TTC34: variants seen among roughly 807,000 people sequenced by gnomAD.
The protein encoded by TTC34 is tetratricopeptide repeat protein 34.
Under a neutral mutation model 40.7 loss-of-function variants are expected in TTC34, and 44 were observed. That is an observed-to-expected ratio of 1.08 (90% CI 0.85 to 1.39). The LOEUF (loss-of-function observed/expected upper bound fraction) is 1.39. Ranked by LOEUF, TTC34 falls within the 40% of genes most tolerant of loss-of-function variation. TTC34 has a pLI of 0.00. For synonymous variants in TTC34, 422 were observed against 398.6 expected, an observed-to-expected ratio of 1.06 and a Z score of -0.70; for missense variants, 884 against 838.0, an observed-to-expected ratio of 1.05 and a Z score of -0.68.
intron 6 of TTC34, among the ~76,000 whole-genome samples, chr1:2,749,060 C>A (rs1172098987): frequency 1.1e-5 from 1 of 90,118 alleles, no homozygotes; most frequent in Non-Finnish European, 2.1e-5. Flanking sequence ...GAGAATCCGA[C>A]AGCCTGGAGC....
At chr1:2,753,491 C>T (rs1218885929) in intron 6 of TTC34, among the ~76,000 whole-genome samples, 60 of 106,282 alleles carry the variant, frequency 5.6e-4, no homozygotes, top group African/African-American at 3.0e-3. Context: ...GGATCAGCAC[C>T]CACACCCCCA....
chr1:2,752,506 C>G (rs1281115684), intron 6 of TTC34, among the ~76,000 whole-genome samples: 1 of 134,692 alleles, frequency 7.4e-6, no homozygotes. Context: ...AGGTGAGCAT[C>G]TGACAGCCTG....
chr1:2,767,665 C>G (rs1641812408), intron 6 of TTC34, among the ~76,000 whole-genome samples: 1 of 105,550 alleles, frequency 9.5e-6, no homozygotes, highest in South Asian at 4.5e-4. Flanking sequence ...CATCCGACAG[C>G]GTGGAACAGA....
intron 6 of TTC34, among the ~76,000 whole-genome samples, chr1:2,749,692 T>C (rs1436582212): frequency 1.5e-5 from 1 of 68,032 alleles, no homozygotes; most frequent in Non-Finnish European, 2.6e-5. Flanking sequence ...CACACCCAGG[T>C]GAGCATCTGA....
In TTC34 at chr1:2,750,790, T is replaced by A. The variant is rs1177873456; in HGVS notation, c.2226+32819A>T. Among the ~76,000 whole-genome samples, 5 of 120,930 alleles carry A rather than the reference T, an allele frequency of 4.1e-5. 1 individual carries two copies. Among genetic ancestry groups the A allele is most frequent in the African/African-American group, 1.9e-4 (5 of 26,888 alleles). The allele number at this position is 120,930 out of a possible 152,430, so 79.3% of individuals were successfully genotyped here. ...AAACACAGGTGAACATCGGAGAGTC[T>A]GGAGCAGCGCCCACACCCCCAGGCG... On this transcript the variant is annotated intron_variant, in intron 6 of 8. Transcript: ENST00000401095.
intron 6 of TTC34, among the ~76,000 whole-genome samples, chr1:2,755,880 G>C (rs1641488310): frequency 1.3e-5 from 1 of 79,590 alleles, no homozygotes. Context: ...GCGAGCACCT[G>C]ACATCCTTGA....
intron 6 of TTC34, among the ~76,000 whole-genome samples, chr1:2,685,092 C>G (rs375548458): frequency 4.7e-5 from 4 of 85,162 alleles, no homozygotes; most frequent in Non-Finnish European, 9.7e-5. Flanking sequence ...CAGGTGTGCA[C>G]GTGACAGCTT....
intron 6 of TTC34, among the ~76,000 whole-genome samples, chr1:2,750,093 A>C (rs1641266124): frequency 7.3e-6 from 1 of 136,624 alleles, no homozygotes; most frequent in African/African-American, 2.9e-5. Flanking sequence ...ACCCCCAGTG[A>C]GCATCTGACA....
chr1:2,753,372 A>G (rs1641391952), intron 6 of TTC34, among the ~76,000 whole-genome samples: 4 of 129,042 alleles, frequency 3.1e-5, no homozygotes, highest in Admixed American at 2.4e-4. Context: ...AACAGCACCC[A>G]CACCCCCAGG....
Position 2,796,031 on chromosome 1 carries a change from G to A in TTC34, c.784+4013C>T, listed in dbSNP as rs1010024890. The stretch of plus-strand genomic sequence containing the variant: ...GGCCATGAGGGCTCTGCTCTTGTGG[G>A]TGGGATTAATGCAAGTTCAGCCCCT... On this transcript the variant is annotated intron_variant, in intron 2 of 8. Transcript: ENST00000401095. This position sits in a 1 kb window ranked among gnomAD's most constrained non-coding sequence, Gnocchi z 4.5. 2.0e-5 allele frequency among the ~76,000 whole-genome samples: 3 copies of A among 152,222 alleles called. No homozygotes were observed. Among genetic ancestry groups the A allele is most frequent in the Admixed American group, 6.5e-5 (1 of 15,288 alleles).
chr1:2,660,102 C>T (rs1356586887), intron 6 of TTC34, among the ~76,000 whole-genome samples: 1 of 132,168 alleles, frequency 7.6e-6, no homozygotes, highest in South Asian at 2.4e-4. Context: ...TGCAGCAGAA[C>T]CCACACCAAC....
chr1:2,687,037 CCCACAACCCCAG>C (rs1640392355), intron 6 of TTC34, among the ~76,000 whole-genome samples: 2 of 147,656 alleles, frequency 1.4e-5, no homozygotes, highest in South Asian at 2.1e-4. Context: ...TGGAGCAGCA[CCCACAACCCCAG>C]GCGTGCATCC....
chr1:2,677,288 A>AC (rs1639940546), intron 6 of TTC34, among the ~76,000 whole-genome samples: 1 of 45,452 alleles, frequency 2.2e-5, no homozygotes, highest in Non-Finnish European at 4.9e-5. Flanking sequence ...CAGCACCCAC[A>AC]ACCACAGGTG....
intron 6 of TTC34, among the ~76,000 whole-genome samples, chr1:2,749,120 A>G (rs1641236658): frequency 2.2e-5 from 3 of 134,740 alleles, no homozygotes; most frequent in Non-Finnish European, 4.7e-5. Flanking sequence ...CAGCACCCAC[A>G]CCCCCAGGTG....
intron 6 of TTC34, among the ~76,000 whole-genome samples, chr1:2,657,338 T>G (rs201814164): frequency 1.3e-5 from 1 of 75,956 alleles, no homozygotes; most frequent in African/African-American, 4.6e-5. Flanking sequence ...GCAGCACCCA[T>G]AGCCCAAGGT....
chr1:2,691,825 C>A lies in TTC34; in HGVS notation c.2227-46262G>T, dbSNP rs553712617. On this transcript the variant is annotated intron_variant, in intron 6 of 8. Transcript: ENST00000401095. ...GACAGCCTGGAGCAGCACCCACACC[C>A]CCAGGTGTGCATGTGATGGTCTGGA... Among the ~76,000 whole-genome samples the A allele has an allele frequency of 1.2e-3, 99 of 83,012 alleles. 8 individuals carry two copies. The highest frequency in any genetic ancestry group is 3.5e-3 in the African/African-American group (91 of 25,712). 54.5% of individuals were successfully genotyped at this position (83,012 alleles called of 152,430 possible). A position where few individuals can be genotyped will look rare whatever the true frequency, so the allele number is the denominator to read the frequency against.
At chr1:2,685,059 C>A (rs560698621) in intron 6 of TTC34, among the ~76,000 whole-genome samples, 115 of 119,550 alleles carry the variant, frequency 9.6e-4, no homozygotes, top group Non-Finnish European at 1.2e-3. Context: ...CATCTGACAG[C>A]CTGGAACAGC....
chr1:2,800,188 G>A lies in TTC34; in HGVS notation c.640C>T (p.Arg214Ter), dbSNP rs1031254153. ...CTGGGGTCCAGAGCCGCCAGGAGTC[G>A]CTGGCCACCGGTCTCCTGCTGGCCG... Residue 214 changes from arginine (R) to a stop codon, truncating the protein, a stop_gained, in exon 2 of 9, where the codon CGA (arginine) becomes TGA (stop). Transcript: ENST00000401095. LOFTEE classifies it high-confidence loss of function. The A allele has an allele frequency of 2.0e-5, 8 of 398,402 alleles. No homozygotes were observed. Among genetic ancestry groups the A allele is most frequent in the East Asian group, 1.8e-4 (5 of 28,076 alleles). 24.7% of individuals were successfully genotyped at this position (398,402 alleles called of 1,614,324 possible). A position where few individuals can be genotyped will look rare whatever the true frequency, so the allele number is the denominator to read the frequency against.
exon 9 of TTC34, chr1:2,637,721 A>C (rs1638819988): frequency 6.6e-6 from 1 of 151,764 alleles, no homozygotes; most frequent in African/African-American, 2.4e-5. Flanking sequence ...CCACACGTTC[A>C]GGTCTCTAAA....
Sources: gnomAD v4.1 joint callset for allele counts (sites outside exome capture counted in the v4.1 genomes callset) on GRCh38, gnomAD v4.1.1 for gene constraint, Gnocchi (gnomAD v3.1) non-coding constraint, MANE v1.5 for transcripts, NCBI Gene and HGNC (gene_info 2026-07-23, HGNC 2026-07-21) for gene names.